The following TAFA5 variants were observed in gnomAD, a reference collection of about 807,000 sequenced individuals.
TAFA5 encodes TAFA chemokine like family member 5.
TAFA5 carries 6 observed loss-of-function variants against 15.3 expected under a neutral mutation model. The ratio of observed to expected loss-of-function variants is 0.39; its 90% CI spans 0.21 to 0.77. The LOEUF (loss-of-function observed/expected upper bound fraction) is 0.77, where lower values mean the gene tolerates loss of function less well. Ranked by LOEUF, TAFA5 falls within the 30% of genes least tolerant of loss-of-function variation. The pLI is 0.41. For missense variants in TAFA5, 161 were observed against 193.1 expected (o/e 0.83, Z 0.98); for synonymous variants, 103 against 80.7 (o/e 1.28, Z -1.48).
intron 1 of TAFA5, among the ~76,000 whole-genome samples, chr22:48,508,475 G>T (rs1921090640): frequency 1.3e-5 from 2 of 152,188 alleles, no homozygotes; most frequent in Admixed American, 1.3e-4. Context: ...GGCGCCATAT[G>T]AGGAGGAGGA....
At chr22:48,652,384 C>T (rs1408959262) in intron 2 of TAFA5, among the ~76,000 whole-genome samples, 1 of 152,100 alleles carries the variant, frequency 6.6e-6, no homozygotes, top group Non-Finnish European at 1.5e-5. Flanking sequence ...TTCATCCCTT[C>T]GGCAAGTGGT....
chr22:48,612,877 G>A (rs746145199), intron 1 of TAFA5, among the ~76,000 whole-genome samples: 1 of 152,166 alleles, frequency 6.6e-6, no homozygotes, highest in African/African-American at 2.4e-5. Flanking sequence ...ACGGCCGACT[G>A]GTCATCGTGG....
intron 1 of TAFA5, among the ~76,000 whole-genome samples, chr22:48,599,813 G>C (rs1053371055): frequency 1.8e-4 from 27 of 152,328 alleles, no homozygotes; most frequent in African/African-American, 6.3e-4. Flanking sequence ...TGTGCTATGT[G>C]GGGGGTTGAG....
At chr22:48,540,316 C>G (rs1276088708) in intron 1 of TAFA5, among the ~76,000 whole-genome samples, 2 of 152,052 alleles carry the variant, frequency 1.3e-5, no homozygotes, top group African/African-American at 2.4e-5. Context: ...GGAGGTGGAT[C>G]CCCTGGGTGG....
intron 1 of TAFA5, among the ~76,000 whole-genome samples, chr22:48,505,832 A>T (rs927529704): frequency 6.6e-6 from 1 of 152,228 alleles, no homozygotes; most frequent in Non-Finnish European, 1.5e-5. Context: ...CATTACTATG[A>T]AAGGACACAG....
chr22:48,669,408 C>T (rs555356325), intron 2 of TAFA5, among the ~76,000 whole-genome samples: 3 of 152,342 alleles, frequency 2.0e-5, no homozygotes, highest in South Asian at 4.1e-4. Context: ...CAGCCCACTG[C>T]GCCCATGCAG....
intron 1 of TAFA5, among the ~76,000 whole-genome samples, chr22:48,513,007 T>C (rs972607400): frequency 2.0e-5 from 3 of 151,436 alleles, no homozygotes; most frequent in Non-Finnish European, 4.4e-5. Context: ...ATAAGGATGG[T>C]ACCAAACCTA....
intron 3 of TAFA5, among the ~76,000 whole-genome samples, chr22:48,709,405 T>TG (rs130153): frequency 0.7 from 106,286 of 151,972 alleles, 37,339 homozygotes; most frequent in Middle Eastern, 0.72. Flanking sequence ...CTGTCCCTGC[T>TG]GGTTGGGGTT....
Position 48,646,639 on chromosome 22 carries a change from G to A in TAFA5, c.155G>A (p.Arg52Gln), listed in dbSNP as rs1466462829. 5 of 1,612,348 alleles carry A rather than the reference G, an allele frequency of 3.1e-6. No homozygotes were observed. Among genetic ancestry groups the A allele is most frequent in the African/African-American group, 1.3e-5 (1 of 74,920 alleles). Residue 52 changes from arginine (R) to glutamine (Q), a missense_variant, in exon 2 of 4, where the codon CGG becomes CAG. Physicochemically the swap from Arg to Gln is conservative, Grantham distance 43. Coordinates refer to ENST00000402357, the MANE Select transcript of TAFA5 (RefSeq NM_001082967.3). Reference protein sequence around the residue: ...AGTCEIVTLDRDSSQPRRTIA... With the variant: ...AGTCEIVTLDQDSSQPRRTIA... ...ACCTGTGAGATTGTGACCTTGGACCGGGACAGCAGCCAGCCTCGGAGGACG... is the reference window on the plus strand; with the variant it reads ...ACCTGTGAGATTGTGACCTTGGACCAGGACAGCAGCCAGCCTCGGAGGACG...
chr22:48,612,971 G>A (rs1925465887), intron 1 of TAFA5, among the ~76,000 whole-genome samples: 1 of 152,132 alleles, frequency 6.6e-6, no homozygotes, highest in Non-Finnish European at 1.5e-5. Flanking sequence ...TTGAATGTGA[G>A]CATGTCACAG....
At chr22:48,659,413 G>A (rs532148307) in intron 2 of TAFA5, among the ~76,000 whole-genome samples, 3 of 152,344 alleles carry the variant, frequency 2.0e-5, no homozygotes, top group Admixed American at 6.5e-5. Flanking sequence ...GGACCTCATG[G>A]TCACATTCTC....
chr22:48,501,591 G>C (rs1021671277), intron 1 of TAFA5, among the ~76,000 whole-genome samples: 4 of 152,214 alleles, frequency 2.6e-5, no homozygotes, highest in African/African-American at 4.8e-5. Context: ...GAGGACACAG[G>C]TGGGAAGGGC....
At chr22:48,620,900 T>C (rs1307977550) in intron 1 of TAFA5, among the ~76,000 whole-genome samples, 5 of 6,260 alleles carry the variant, frequency 8.0e-4, no homozygotes, top group African/African-American at 1.7e-3. Context: ...CCACCCAGTC[T>C]ATCCACCCAC....
At chr22:48,585,034 T>G (rs1354375924) in intron 1 of TAFA5, among the ~76,000 whole-genome samples, 1 of 67,374 alleles carries the variant, frequency 1.5e-5, no homozygotes, top group African/African-American at 7.0e-5. Flanking sequence ...ACACACTAGA[T>G]ACCACACGCA....
intron 1 of TAFA5, among the ~76,000 whole-genome samples, chr22:48,557,822 G>C (rs1923093040): frequency 6.6e-6 from 1 of 152,204 alleles, no homozygotes; most frequent in Admixed American, 6.5e-5. Context: ...CCCTCCCCGA[G>C]GTCAGCTCCC....
chr22:48,696,766 G>A lies in TAFA5; in HGVS notation c.263-10951G>A, dbSNP rs548237182. 2.0e-5 allele frequency among the ~76,000 whole-genome samples: 3 copies of A among 152,372 alleles called. No homozygotes were observed. The South Asian group carries it at 6.2e-4, about 32-fold the overall frequency. On this transcript the variant is annotated intron_variant, in intron 2 of 3. Coordinates refer to ENST00000402357, the MANE Select transcript of TAFA5 (RefSeq NM_001082967.3). ...GGGTGGAATGAGGTTTGCGCCTGCA[G>A]AGCCACCTCTGAGCCCAAACCCTGT...
intron 2 of TAFA5, among the ~76,000 whole-genome samples, chr22:48,689,657 G>A (rs55674370): frequency 3.4e-5 from 1 of 29,680 alleles, no homozygotes; most frequent in Non-Finnish European, 9.4e-5. Context: ...GTAGCCCCTC[G>A]GGCGGACAGA....
At chr22:48,627,574 G>A (rs1396086498) in intron 1 of TAFA5, among the ~76,000 whole-genome samples, 1 of 152,278 alleles carries the variant, frequency 6.6e-6, no homozygotes, top group Non-Finnish European at 1.5e-5. Context: ...GCTGCAGAGA[G>A]GCTGAGCAGC....
chr22:48,504,266 T>C (rs1920972177), intron 1 of TAFA5, among the ~76,000 whole-genome samples: 1 of 152,188 alleles, frequency 6.6e-6, no homozygotes, highest in African/African-American at 2.4e-5. Context: ...CCCAGCACTT[T>C]ATCTTAGGTG....
Sources: gnomAD v4.1 joint callset for allele counts (sites outside exome capture counted in the v4.1 genomes callset) on GRCh38, gnomAD v4.1.1 for gene constraint, MANE v1.5 for transcripts, NCBI Gene and HGNC (gene_info 2026-07-23, HGNC 2026-07-21) for gene names.